The following CDH13 variants were observed in gnomAD, a reference collection of about 807,000 sequenced individuals.
The protein encoded by CDH13 is cadherin-13.
Under a neutral mutation model 63.8 loss-of-function variants are expected in CDH13, and 24 were observed. That is an observed-to-expected ratio of 0.38 (90% CI 0.27 to 0.53). The LOEUF is 0.53. CDH13 is among the 20% of genes least tolerant of loss of function. CDH13 has a pLI of 0.85. For missense variants in CDH13, 1,049 were observed against 903.1 expected (o/e 1.16, Z -2.07); for synonymous variants, 503 against 355.3 (o/e 1.42, Z -4.67).
intron 2 of CDH13, among the ~76,000 whole-genome samples, chr16:82,996,898 C>T (rs1005902655): frequency 1.5e-5 from 2 of 133,780 alleles, no homozygotes; most frequent in African/African-American, 2.9e-5. Flanking sequence ...ATGCTGATGG[C>T]GGTGATGGTG....
chr16:83,169,948 T>G (rs1165676794), intron 4 of CDH13, among the ~76,000 whole-genome samples: 5 of 152,178 alleles, frequency 3.3e-5, no homozygotes, highest in Non-Finnish European at 2.9e-5. Flanking sequence ...GATCTTACTT[T>G]CGATGTATGG....
intron 1 of CDH13, among the ~76,000 whole-genome samples, chr16:82,843,207 G>T (rs9933074): frequency 0.24 from 36,504 of 152,188 alleles, 5,215 homozygotes; most frequent in Non-Finnish European, 0.33. Context: ...TAGGGACCTT[G>T]CCTTTTTGTG....
intron 7 of CDH13, among the ~76,000 whole-genome samples, chr16:83,544,549 T>C (rs943708760): frequency 6.6e-6 from 1 of 152,206 alleles, no homozygotes; most frequent in East Asian, 1.9e-4. Context: ...AACACTTCGT[T>C]ATAAAATAGG....
At chr16:82,967,220 C>CATGG (rs1907975941) in intron 2 of CDH13, among the ~76,000 whole-genome samples, 1 of 152,160 alleles carries the variant, frequency 6.6e-6, no homozygotes, top group African/African-American at 2.4e-5. Context: ...CCCCCACCCC[C>CATGG]ATGGCTTTAC....
intron 2 of CDH13, among the ~76,000 whole-genome samples, chr16:83,014,816 G>GTT (rs1914577144): frequency 1.6e-5 from 1 of 64,168 alleles, no homozygotes; most frequent in Non-Finnish European, 2.9e-5. Context: ...ATATATATTT[G>GTT]TATATATATA....
At chr16:82,986,238 G>T (rs144817307) in intron 2 of CDH13, among the ~76,000 whole-genome samples, 1 of 152,144 alleles carries the variant, frequency 6.6e-6, no homozygotes, top group Non-Finnish European at 1.5e-5. Flanking sequence ...TTTCATATTG[G>T]TACGTCTGAG....
chr16:83,286,405 C>T (rs1033212531), intron 5 of CDH13, among the ~76,000 whole-genome samples: 1 of 152,168 alleles, frequency 6.6e-6, no homozygotes, highest in African/African-American at 2.4e-5. Context: ...AAGGCATGCT[C>T]CCTCTGGTCA....
intron 6 of CDH13, among the ~76,000 whole-genome samples, chr16:83,355,577 T>G (rs1270762933): frequency 6.6e-6 from 1 of 152,234 alleles, no homozygotes; most frequent in African/African-American, 2.4e-5. Flanking sequence ...ATTCAATTTT[T>G]AAATAAATGG....
chr16:83,060,485 C>A (rs1005684305), intron 3 of CDH13, among the ~76,000 whole-genome samples: 1 of 152,210 alleles, frequency 6.6e-6, no homozygotes, highest in African/African-American at 2.4e-5. Context: ...CAAACCAGGA[C>A]TTAGGCTTGT....
chr16:83,656,480 G>C (rs1242020170), intron 8 of CDH13, among the ~76,000 whole-genome samples: 1 of 152,154 alleles, frequency 6.6e-6, no homozygotes, highest in African/African-American at 2.4e-5. Flanking sequence ...GGGTGTGAGT[G>C]TGTGATTCCT....
intron 7 of CDH13, among the ~76,000 whole-genome samples, chr16:83,498,095 C>G (rs977502442): frequency 2.6e-5 from 4 of 152,192 alleles, no homozygotes; most frequent in Admixed American, 1.3e-4. Flanking sequence ...AAAGTGCCAT[C>G]TAGACATTGA....
At chr16:83,743,119 A>G (rs2150965254) in intron 10 of CDH13, among the ~76,000 whole-genome samples, 1 of 152,306 alleles carries the variant, frequency 6.6e-6, no homozygotes, top group South Asian at 2.1e-4. Context: ...AGGCAGGAGA[A>G]TTATTTGAAC....
chr16:82,953,867 G>T (rs1905654111), intron 2 of CDH13: 1 of 152,158 alleles, frequency 6.6e-6, no homozygotes, highest in Non-Finnish European at 1.5e-5. Flanking sequence ...AATGATGATA[G>T]TAGGTAACAA....
chr16:83,712,553 A>G (rs1908225215), intron 10 of CDH13, among the ~76,000 whole-genome samples: 1 of 152,244 alleles, frequency 6.6e-6, no homozygotes. Context: ...TCATGTTTTC[A>G]GGAGCACCCC....
At chr16:82,874,952 G>A (rs140019513) in intron 2 of CDH13, among the ~76,000 whole-genome samples, 252 of 152,290 alleles carry the variant, frequency 1.7e-3, no homozygotes, top group Middle Eastern at 0.01. Context: ...TAATCAAATC[G>A]CATTGTCCAA....
At chr16:82,933,658 G>C (rs1182582717) in intron 2 of CDH13, among the ~76,000 whole-genome samples, 1 of 152,020 alleles carries the variant, frequency 6.6e-6, no homozygotes, top group African/African-American at 2.4e-5. Flanking sequence ...TTCCACCTAT[G>C]AGCCTGTAAA....
chr16:83,269,699 A>G (rs780831030), intron 5 of CDH13, among the ~76,000 whole-genome samples: 3 of 152,192 alleles, frequency 2.0e-5, no homozygotes, highest in Non-Finnish European at 2.9e-5. Context: ...ACCCTGAATG[A>G]GTGCTCCATG....
chr16:82,717,818 C>A lies in CDH13; in HGVS notation c.45+90681C>A, dbSNP rs1345791178. Among the ~76,000 whole-genome samples, 7 of 152,124 alleles carry A rather than the reference C, an allele frequency of 4.6e-5. No individual in the cohort carries two copies. The East Asian group carries it at 1.2e-3, about 25-fold the overall frequency. On this transcript the variant is annotated intron_variant, in intron 1 of 13. Coordinates refer to ENST00000567109, the MANE Select transcript of CDH13 (RefSeq NM_001257.5). ...AGTTCTAGGGATTAGGATTTGGTAC[C>A]TTTGGGGATCATTATTCAGCCTACT...
At chr16:82,754,542 A>G (rs1237268924) in intron 1 of CDH13, among the ~76,000 whole-genome samples, 1 of 152,082 alleles carries the variant, frequency 6.6e-6, no homozygotes, top group East Asian at 1.9e-4. Context: ...TCAAACATTC[A>G]TTTTGCTTTT....
Sources: gnomAD v4.1 joint callset for allele counts (sites outside exome capture counted in the v4.1 genomes callset) on GRCh38, gnomAD v4.1.1 for gene constraint, MANE v1.5 for transcripts, NCBI Gene and HGNC (gene_info 2026-07-23, HGNC 2026-07-21) for gene names.